Variants in DYNC2H1 observed in about 807,000 individuals in gnomAD.
DYNC2H1 encodes cytoplasmic dynein 2 heavy chain 1.
Under a neutral mutation model 570.0 loss-of-function variants are expected in DYNC2H1, and 410 were observed. The observed-to-expected ratio is 0.72, with a 90% CI of 0.66 to 0.78. The LOEUF is 0.78. Ranked by LOEUF, DYNC2H1 falls within the 30% of genes least tolerant of loss-of-function variation. The pLI, the probability that DYNC2H1 is intolerant of heterozygous loss-of-function variation, is 0.00. For missense variants in DYNC2H1, 4,865 were observed against 5,046.4 expected (o/e 0.96, Z 1.09); for synonymous variants, 1,688 against 1,677.6 (o/e 1.01, Z -0.15).
chr11:103,366,346 C>T (rs1940906780), intron 83 of DYNC2H1, among the ~76,000 whole-genome samples: 1 of 151,946 alleles, frequency 6.6e-6, no homozygotes, highest in South Asian at 2.1e-4. Context: ...TCTTTGTGGT[C>T]TATTATATTC....
chr11:103,309,614 T>G (rs1363882108), intron 78 of DYNC2H1, among the ~76,000 whole-genome samples: 2 of 151,876 alleles, frequency 1.3e-5, no homozygotes, highest in Non-Finnish European at 2.9e-5. Flanking sequence ...ATATTAGAAA[T>G]ATTTTAATTG....
intron 55 of DYNC2H1, among the ~76,000 whole-genome samples, 198 bp downstream of exon 55, chr11:103,216,056 G>A (rs527490497): frequency 1.3e-5 from 2 of 152,296 alleles, no homozygotes; most frequent in East Asian, 3.9e-4. Flanking sequence ...ATCACTCGGT[G>A]CACTCAGTTG....
At chr11:103,218,796 C>T (rs573921993) in intron 55 of DYNC2H1, among the ~76,000 whole-genome samples, 124 of 152,236 alleles carry the variant, frequency 8.1e-4, no homozygotes, top group African/African-American at 3.0e-3. Flanking sequence ...AGCAAAGACC[C>T]AGGAGAATAA....
rs568034348 is a variant in DYNC2H1 at position 103,229,370 on chromosome 11, C to G, written c.9354-1890C>G. ...GCTGCAAGCTAGTCCTGCTTGCTATCTGTCATCTTAATCCTAATTGACTTA... is the reference window on the plus strand; with the variant it reads ...GCTGCAAGCTAGTCCTGCTTGCTATGTGTCATCTTAATCCTAATTGACTTA... On this transcript the variant is annotated intron_variant, in intron 59 of 88. Coordinates refer to ENST00000375735, the MANE Select transcript of DYNC2H1 (RefSeq NM_001377.3). Among the ~76,000 whole-genome samples the G allele has an allele frequency of 4.6e-5, 7 of 152,328 alleles. No homozygotes were observed. The South Asian group carries it at 1.2e-3, about 27-fold the overall frequency.
At chr11:103,343,925 A>T (rs115981431) in intron 82 of DYNC2H1, among the ~76,000 whole-genome samples, 4 of 152,228 alleles carry the variant, frequency 2.6e-5, no homozygotes, top group Admixed American at 2.0e-4. Flanking sequence ...TTAAGACTAT[A>T]CACTTCAACA....
rs200648461 is a variant in DYNC2H1, at chr11:103,114,263, G to A, written c.502+25G>A. The A allele has an allele frequency of 2.0e-5, 30 of 1,535,702 alleles. No individual in the cohort carries two copies. The East Asian group carries it at 6.8e-4, about 35-fold the overall frequency. ...GGTATATAACCATAGCTTAATAAAA[G>A]AGAGTACAAAATGATTGTCTCATTA... On this transcript the variant is annotated intron_variant, in intron 3 of 88. Transcript: ENST00000375735.
At chr11:103,333,302 T>C (rs914962464) in intron 82 of DYNC2H1, among the ~76,000 whole-genome samples, 5 of 152,150 alleles carry the variant, frequency 3.3e-5, no homozygotes, top group South Asian at 2.1e-4. Context: ...CTCACTCTGT[T>C]GCCCAGGCTG....
intron 84 of DYNC2H1, among the ~76,000 whole-genome samples, chr11:103,419,771 G>A (rs1943416098): frequency 6.6e-6 from 1 of 152,094 alleles, no homozygotes; most frequent in Non-Finnish European, 1.5e-5. Flanking sequence ...GCACAGAACT[G>A]GGCTGAGGCT....
At position 103,454,286 on chromosome 11, in the gene DYNC2H1, G is replaced by A. The variant is rs181366629; in HGVS notation, c.12457-900G>A. Among the ~76,000 whole-genome samples, 454 of 152,150 alleles carry A rather than the reference G, an allele frequency of 3.0e-3. 1 individual carries two copies. The highest frequency in any genetic ancestry group is 0.011 in the African/African-American group (436 of 41,524). On this transcript the variant is annotated intron_variant, in intron 85 of 88. Coordinates refer to ENST00000375735, the MANE Select transcript of DYNC2H1 (RefSeq NM_001377.3). ...TACTGAGTAAATGAGGATTCTGTAC[G>A]TTTTTAATCGCTGACATTACTATAG...
At chr11:103,384,062 A>G (rs1000321570) in intron 83 of DYNC2H1, among the ~76,000 whole-genome samples, 1 of 152,182 alleles carries the variant, frequency 6.6e-6, no homozygotes, top group African/African-American at 2.4e-5. Flanking sequence ...ATGGCCCACT[A>G]TGCAATAACA....
chr11:103,351,547 A>G (rs966454775), intron 82 of DYNC2H1, among the ~76,000 whole-genome samples: 4 of 152,176 alleles, frequency 2.6e-5, no homozygotes, highest in Non-Finnish European at 4.4e-5. Context: ...TTAAGAATTT[A>G]TTGATGAATT....
In DYNC2H1 at chr11:103,461,113, C is replaced by T. The variant is rs1944995924; in HGVS notation, c.12648+4757C>T. Among the ~76,000 whole-genome samples the T allele has an allele frequency of 6.6e-6, 1 of 152,180 alleles. No individual in the cohort carries two copies. Among genetic ancestry groups the T allele is most frequent in the African/African-American group, 2.4e-5 (1 of 41,434 alleles). ...GCACATTTTCTAACTTTCTCGCCTG[C>T]AGTTTCCAATAATGTTACCAGGGAA... is the stretch of plus-strand genomic sequence containing the variant. On this transcript the variant is annotated intron_variant, in intron 87 of 88. Transcript: ENST00000375735. This position sits in a 1 kb window ranked among gnomAD's most constrained non-coding sequence, Gnocchi z 4.8.
intron 70 of DYNC2H1, among the ~76,000 whole-genome samples, chr11:103,260,453 T>C (rs1041928318): frequency 2.6e-5 from 4 of 152,172 alleles, no homozygotes; most frequent in African/African-American, 9.7e-5. Context: ...AGGAACAAAA[T>C]TATTTTGCAT....
Position 103,158,769 on chromosome 11 carries a change from A to G in DYNC2H1, c.4220A>G (p.Gln1407Arg), listed in dbSNP as rs189304071. 14 of 1,500,762 alleles carry G rather than the reference A, an allele frequency of 9.3e-6. No homozygotes were observed. The Admixed American group carries it at 1.7e-4, about 18-fold the overall frequency. 93.0% of individuals were successfully genotyped at this position (1,500,762 alleles called of 1,614,324 possible). A position where few individuals can be genotyped will look rare whatever the true frequency, so the allele number is the denominator to read the frequency against. Reference protein sequence around the residue: ...IRNSLLTILDQLQRCQKSLNE... With the variant: ...IRNSLLTILDRLQRCQKSLNE... ...AATTCTCTACTAACAATACTTGATCAGCTTCAAAGATGTCAGAAATCATTA... is the reference window on the plus strand; with the variant it reads ...AATTCTCTACTAACAATACTTGATCGGCTTCAAAGATGTCAGAAATCATTA... The change falls in exon 27 of 89, where the codon CAG becomes CGG. Residue 1407 changes from glutamine (Q) to arginine (R), a missense_variant. Around this residue, in one of 5 missense-constraint regions of DYNC2H1, gnomAD observed 1,936 missense variants for 1,962.1 expected, o/e 0.99. Coordinates refer to ENST00000375735, the MANE Select transcript of DYNC2H1 (RefSeq NM_001377.3).
Position 103,363,968 on chromosome 11 carries a change from C to T in DYNC2H1, c.12156+5609C>T, listed in dbSNP as rs748796079. ...TAGGAGTCTTTTTTCCATATGAGGA[C>T]CTTGAAGCTCCATAAGGCAAGCAAG... On this transcript the variant is annotated intron_variant, in intron 83 of 88. Coordinates refer to ENST00000375735, the MANE Select transcript of DYNC2H1 (RefSeq NM_001377.3). The surrounding 1 kb of genome is among the most constrained non-coding windows in gnomAD (Gnocchi z 5.6). Among the ~76,000 whole-genome samples the T allele has an allele frequency of 4.7e-4, 72 of 151,866 alleles. No individual in the cohort carries two copies. Among genetic ancestry groups the T allele is most frequent in the Non-Finnish European group, 8.1e-4 (55 of 67,974 alleles).
At position 103,351,486 on chromosome 11, in the gene DYNC2H1, A is replaced by G. The variant is rs555020379; in HGVS notation, c.12040-6757A>G. On this transcript the variant is annotated intron_variant, in intron 82 of 88. Transcript: ENST00000375735. ...AGGAACGCATCATTTATCGAAGGCT[A>G]TTATTATAACAATCTCCCAAATCTT... Among the ~76,000 whole-genome samples the G allele has an allele frequency of 3.9e-5, 6 of 152,332 alleles. No homozygotes were observed. The South Asian group carries it at 8.3e-4, about 21-fold the overall frequency.
chr11:103,231,260 GA>G lies in DYNC2H1; in HGVS notation c.9356del (p.Asn3119IlefsTer2). 1 of 1,585,502 alleles carries G rather than the reference GA, an allele frequency of 6.3e-7. No homozygotes were observed. Among genetic ancestry groups the G allele is most frequent in the Non-Finnish European group, 8.6e-7 (1 of 1,161,638 alleles). ...TGTATAATATTGAGTTATATTTTAG[GA>G]ATCTGAAGAAAACTGAAGACAGAAA... ...LETEQAGLESNLKKTEDRKRK... is the reference protein window; with the variant it reads ...LETEQAGLESXLKKTEDRKRK... On this transcript the variant is annotated frameshift_variant and splice_region_variant, in exon 60 of 89. Coordinates refer to ENST00000375735, the MANE Select transcript of DYNC2H1 (RefSeq NM_001377.3). LOFTEE classifies it high-confidence loss of function.
intron 18 of DYNC2H1, among the ~76,000 whole-genome samples, chr11:103,143,990 A>G (rs753632244): frequency 2.0e-5 from 3 of 152,226 alleles, no homozygotes; most frequent in Admixed American, 2.0e-4. Context: ...TTATTAATTT[A>G]TGTTTTCATT....
rs1864428555 is a variant in DYNC2H1 at position 103,241,701 on chromosome 11, T to C, written c.9820-1992T>C. Among the ~76,000 whole-genome samples, 1 of 152,170 alleles carries C rather than the reference T, an allele frequency of 6.6e-6. No homozygotes were observed. The highest frequency in any genetic ancestry group is 1.5e-5 in the Non-Finnish European group (1 of 68,034). On this transcript the variant is annotated intron_variant, in intron 63 of 88. Transcript: ENST00000375735. The surrounding 1 kb of genome is among the most constrained non-coding windows in gnomAD (Gnocchi z 5.1). ...CTTCACAGGCTATTTACTAACCACA[T>C]CATTGTGCTTCGAGTAGTACATTTA... is the stretch of plus-strand genomic sequence containing the variant.
Sources: gnomAD v4.1 joint callset for allele counts (sites outside exome capture counted in the v4.1 genomes callset) on GRCh38, gnomAD v4.1.1 for gene constraint, gnomAD v4.1.1 regional missense constraint, Gnocchi (gnomAD v3.1) non-coding constraint, MANE v1.5 for transcripts, NCBI Gene and HGNC (gene_info 2026-07-23, HGNC 2026-07-21) for gene names.